The following WWOX variants were observed in gnomAD, a reference collection of about 807,000 sequenced individuals.
WWOX encodes the protein WW domain-containing oxidoreductase.
WWOX carries 69 observed loss-of-function variants against 46.2 expected under a neutral mutation model. The observed-to-expected ratio is 1.49, with a 90% confidence interval of 1.23 to 1.82. WWOX has a LOEUF of 1.82. WWOX is among the 40% of genes most tolerant of loss of function. The pLI is 0.00. For synonymous variants in WWOX, 359 were observed against 202.6 expected, an observed-to-expected ratio of 1.77 and a Z score of -6.56; for missense variants, 919 against 542.6, an observed-to-expected ratio of 1.69 and a Z score of -6.89.
chr16:79,018,404 G>A (rs557164987), intron 8 of WWOX, among the ~76,000 whole-genome samples: 1 of 152,266 alleles, frequency 6.6e-6, no homozygotes, highest in South Asian at 2.1e-4. Context: ...TGTATAATTT[G>A]TGAGCAATCA....
intron 8 of WWOX, among the ~76,000 whole-genome samples, chr16:78,624,979 A>G (rs1368901302): frequency 2.0e-5 from 3 of 152,214 alleles, no homozygotes; most frequent in South Asian, 2.1e-4. Context: ...ATCCTGGTTA[A>G]TGTCCCCGCT....
intron 8 of WWOX, among the ~76,000 whole-genome samples, chr16:78,741,251 T>C (rs1015093752): frequency 6.6e-6 from 1 of 152,138 alleles, no homozygotes; most frequent in African/African-American, 2.4e-5. Context: ...AGCATTGCCA[T>C]GTTTAGCAAA....
intron 3 of WWOX, among the ~76,000 whole-genome samples, chr16:78,112,677 T>G (rs1237781308): frequency 2.7e-5 from 4 of 149,746 alleles, no homozygotes; most frequent in African/African-American, 9.8e-5. Context: ...TTGAAAATGT[T>G]TTTTTTTTTT....
intron 4 of WWOX, among the ~76,000 whole-genome samples, chr16:78,138,674 C>T (rs2033882496): frequency 6.6e-6 from 1 of 152,224 alleles, no homozygotes; most frequent in Non-Finnish European, 1.5e-5. Context: ...GGACAGCCCA[C>T]CCTGAGAAGT....
At chr16:79,064,591 G>A (rs1477565779) in intron 8 of WWOX, among the ~76,000 whole-genome samples, 4 of 152,222 alleles carry the variant, frequency 2.6e-5, no homozygotes, top group Non-Finnish European at 5.9e-5. Flanking sequence ...ACAGGAAATA[G>A]TTTTCCTGGA....
rs71140808 is a variant in WWOX, at chr16:78,527,991, C to CTTTTTTTTTTTTTTTTTTT, written c.1056+95246_1056+95264dup. On this transcript the variant is annotated intron_variant, in intron 8 of 8. Transcript: ENST00000566780. Reference sequence around the variant, plus strand: ...CTATGTCACAGGACTGGTACATGTCCTTTTTTTTTTTTTTTTTTTTTTTTT... The same window carrying CTTTTTTTTTTTTTTTTTTT: ...CTATGTCACAGGACTGGTACATGTCCTTTTTTTTTTTTTTTTTTTTTTTTTTTTTTTTTTTTTTTTTTTT... Among the ~76,000 whole-genome samples the CTTTTTTTTTTTTTTTTTTT allele has an allele frequency of 3.3e-3, 116 of 34,874 alleles. 22 individuals are homozygous for CTTTTTTTTTTTTTTTTTTT. Among genetic ancestry groups the CTTTTTTTTTTTTTTTTTTT allele is most frequent in the East Asian group, 8.8e-3 (9 of 1,020 alleles). 22.9% of individuals were successfully genotyped at this position (34,874 alleles called of 152,430 possible). A position where few individuals can be genotyped will look rare whatever the true frequency, so the allele number is the denominator to read the frequency against.
intron 5 of WWOX, among the ~76,000 whole-genome samples, chr16:78,214,179 C>T (rs1377069086): frequency 6.6e-6 from 1 of 152,188 alleles, no homozygotes; most frequent in Admixed American, 6.5e-5. Flanking sequence ...CTCAGGATCC[C>T]TATCTCCCTG....
chr16:78,512,933 G>A (rs1449212696), intron 8 of WWOX, among the ~76,000 whole-genome samples: 6 of 152,206 alleles, frequency 3.9e-5, no homozygotes, highest in Non-Finnish European at 1.5e-5. Context: ...CAGGCAGGAA[G>A]GCCCATTAGT....
chr16:78,910,890 C>T lies in WWOX; in HGVS notation c.1057-300718C>T, dbSNP rs1168227445. On this transcript the variant is annotated intron_variant, in intron 8 of 8. Transcript: ENST00000566780. The stretch of plus-strand genomic sequence containing the variant: ...GATTTGGGTGGGGACACAGCCAAAC[C>T]ATATCAGATGCAAAGTTATGCATAT... Among the ~76,000 whole-genome samples the T allele has an allele frequency of 3.3e-5, 5 of 152,144 alleles. No homozygotes were observed. In the East Asian group the frequency reaches 5.8e-4, roughly 18 times the overall value.
rs1597334576 is a variant in WWOX at position 78,603,934 on chromosome 16, G to C, written c.1056+171182G>C. 3.3e-5 allele frequency among the ~76,000 whole-genome samples: 5 copies of C among 152,128 alleles called. No homozygotes were observed. The South Asian group carries it at 8.3e-4, about 25-fold the overall frequency. The stretch of plus-strand genomic sequence containing the variant: ...ACGTGGGAGGATTGCTTGAGCCTAG[G>C]AGTTCAAGATCAGCCTGGGTAACAT... On this transcript the variant is annotated intron_variant, in intron 8 of 8. Coordinates refer to ENST00000566780, the MANE Select transcript of WWOX (RefSeq NM_016373.4).
At chr16:79,009,988 C>G (rs564099757) in intron 8 of WWOX, among the ~76,000 whole-genome samples, 1 of 152,148 alleles carries the variant, frequency 6.6e-6, no homozygotes, top group Non-Finnish European at 1.5e-5. Context: ...ACCTCAGTAT[C>G]CTAGGACTTC....
intron 6 of WWOX, among the ~76,000 whole-genome samples, chr16:78,392,102 G>T (rs9926074): frequency 6.6e-6 from 1 of 151,516 alleles, no homozygotes; most frequent in Non-Finnish European, 1.5e-5. Context: ...AACCAATAGC[G>T]GAGCCGTGGC....
chr16:78,218,033 C>T (rs966879215), intron 5 of WWOX, among the ~76,000 whole-genome samples: 1 of 152,048 alleles, frequency 6.6e-6, no homozygotes, highest in African/African-American at 2.4e-5. Flanking sequence ...CCCTCTCCCT[C>T]CCTGTGCTTG....
At chr16:78,223,099 G>A (rs2036944023) in intron 5 of WWOX, among the ~76,000 whole-genome samples, 1 of 152,116 alleles carries the variant, frequency 6.6e-6, no homozygotes, top group Non-Finnish European at 1.5e-5. Flanking sequence ...TGTGATTTGG[G>A]TACCTGCTGC....
intron 8 of WWOX, among the ~76,000 whole-genome samples, chr16:78,812,795 C>G (rs2051225410): frequency 6.6e-6 from 1 of 152,094 alleles, no homozygotes; most frequent in African/African-American, 2.4e-5. Flanking sequence ...TTTACAAGCC[C>G]CATAAACTAA....
intron 8 of WWOX, among the ~76,000 whole-genome samples, chr16:78,747,506 C>G (rs1184452495): frequency 2.6e-5 from 4 of 152,102 alleles, no homozygotes; most frequent in Non-Finnish European, 5.9e-5. Context: ...CCCAACAACC[C>G]TAGGAGACAG....
intron 8 of WWOX, among the ~76,000 whole-genome samples, chr16:79,037,124 T>C (rs910382778): frequency 1.3e-5 from 2 of 152,162 alleles, no homozygotes; most frequent in Non-Finnish European, 2.9e-5. Context: ...GTTTGTAATC[T>C]CTCTCAAGGA....
chr16:78,969,619 G>C (rs902079436), intron 8 of WWOX, among the ~76,000 whole-genome samples: 1 of 152,100 alleles, frequency 6.6e-6, no homozygotes, highest in Non-Finnish European at 1.5e-5. Flanking sequence ...GCATATTTTT[G>C]TATTTCATGC....
In WWOX at chr16:78,538,161, T is replaced by G. The variant is rs1181068931; in HGVS notation, c.1056+105409T>G. On this transcript the variant is annotated intron_variant, in intron 8 of 8. Coordinates refer to ENST00000566780, the MANE Select transcript of WWOX (RefSeq NM_016373.4). Reference sequence around the variant, plus strand: ...AGAAAATTTAGTGATTGCCAGTCCATTCTCTAGCCTTCTGAAGAAGATAGA... The same window carrying G: ...AGAAAATTTAGTGATTGCCAGTCCAGTCTCTAGCCTTCTGAAGAAGATAGA... Among the ~76,000 whole-genome samples the G allele has an allele frequency of 2.1e-5, 3 of 141,946 alleles. No individual in the cohort carries two copies. The East Asian group carries it at 6.5e-4, about 31-fold the overall frequency. The allele number at this position is 141,946 out of a possible 152,430, so 93.1% of individuals were successfully genotyped here. A position where few individuals can be genotyped will look rare whatever the true frequency, so the allele number is the denominator to read the frequency against.
Sources: gnomAD v4.1 joint callset for allele counts (sites outside exome capture counted in the v4.1 genomes callset) on GRCh38, gnomAD v4.1.1 for gene constraint, MANE v1.5 for transcripts, NCBI Gene and HGNC (gene_info 2026-07-23, HGNC 2026-07-21) for gene names.